ATP2B2: variants seen among roughly 807,000 people sequenced by gnomAD.
ATP2B2 encodes the protein ATPase plasma membrane Ca2+ transporting 2.
ATP2B2 carries 15 observed loss-of-function variants against 120.0 expected under a neutral mutation model. That is an observed-to-expected ratio of 0.12 (90% CI 0.08 to 0.19). The LOEUF (loss-of-function observed/expected upper bound fraction) is 0.19. Among genes scored for constraint, ATP2B2 ranks in the 10% least tolerant of loss-of-function variants. ATP2B2 has a pLI of 1.00. For missense variants in ATP2B2, 1,045 were observed against 1,719.8 expected (o/e 0.61, Z 6.94); for synonymous variants, 694 against 700.3 (o/e 0.99, Z 0.14).
chr3:10,556,981 A>G (rs1173884832), intron 2 of ATP2B2, among the ~76,000 whole-genome samples: 1 of 152,102 alleles, frequency 6.6e-6, no homozygotes, highest in African/African-American at 2.4e-5. Context: ...ACTAGGCTAT[A>G]TTTCAGTTCA....
intron 1 of ATP2B2, among the ~76,000 whole-genome samples, chr3:10,680,429 C>A (rs2071356028): frequency 6.6e-6 from 1 of 152,068 alleles, no homozygotes; most frequent in Non-Finnish European, 1.5e-5. Context: ...TCTTAAAATT[C>A]CCCTCATTCC....
intron 2 of ATP2B2, among the ~76,000 whole-genome samples, chr3:10,585,183 A>C (rs1023384880): frequency 6.6e-6 from 1 of 151,898 alleles, no homozygotes; most frequent in African/African-American, 2.4e-5. Context: ...AAACTTCTCC[A>C]ATGGTTTGCA....
chr3:10,449,412 GAC>G lies in ATP2B2; in HGVS notation c.130_131del (p.Val44GlnfsTer22), dbSNP rs2063953857. On this transcript the variant is annotated frameshift_variant, in exon 2 of 23. Coordinates refer to ENST00000360273, the MANE Select transcript of ATP2B2 (RefSeq NM_001001331.4). LOFTEE classifies it high-confidence loss of function. ...LMELRGTEAV[V>X]KIKETYGDTE... ...TGTCCCCATAAGTCTCCTTGATCTT[GAC>G]CACAGCCTCAGTGCCCCGCAGCTCC... 6.2e-7 allele frequency: 1 copy of G among 1,614,090 alleles called. No individual in the cohort carries two copies. The highest frequency in any genetic ancestry group is 1.3e-5 in the African/African-American group (1 of 74,934).
chr3:10,475,516 T>C (rs79882294), intron 1 of ATP2B2, among the ~76,000 whole-genome samples: 5,952 of 152,310 alleles, frequency 0.039, 388 homozygotes, highest in African/African-American at 0.14. Context: ...GTTAGGCAGA[T>C]CTGTGCTCTG....
intron 22 of ATP2B2, among the ~76,000 whole-genome samples, chr3:10,337,968 A>G (rs544949361): frequency 1.3e-5 from 2 of 152,168 alleles, no homozygotes; most frequent in South Asian, 2.1e-4. Context: ...AGAGGGCACA[A>G]TGGGACCTCT....
chr3:10,392,105 G>A (rs2061872153), intron 5 of ATP2B2, among the ~76,000 whole-genome samples: 1 of 152,002 alleles, frequency 6.6e-6, no homozygotes, highest in Non-Finnish European at 1.5e-5. Flanking sequence ...GTGCTTCCAG[G>A]CCTGGCTCCT....
intron 1 of ATP2B2, among the ~76,000 whole-genome samples, chr3:10,641,825 C>T (rs1217170301): frequency 6.6e-6 from 1 of 152,094 alleles, no homozygotes; most frequent in African/African-American, 2.4e-5. Context: ...GTCTGGTTGA[C>T]TCATCTACCC....
intron 13 of ATP2B2, among the ~76,000 whole-genome samples, chr3:10,359,512 A>G (rs1575007580): frequency 2.0e-5 from 3 of 152,294 alleles, no homozygotes; most frequent in East Asian, 3.9e-4. Flanking sequence ...TGTGGCTAAT[A>G]ATGAAAATAG....
intron 1 of ATP2B2, among the ~76,000 whole-genome samples, chr3:10,647,226 TG>T (rs2070344586): frequency 6.6e-6 from 1 of 151,804 alleles, no homozygotes; most frequent in Non-Finnish European, 1.5e-5. Flanking sequence ...GGCAGGGAAA[TG>T]GGCCCACTAG....
At chr3:10,526,504 G>A (rs563251943) in intron 3 of ATP2B2, among the ~76,000 whole-genome samples, 1 of 152,286 alleles carries the variant, frequency 6.6e-6, no homozygotes, top group South Asian at 2.1e-4. Context: ...GGGATTGGGA[G>A]GGCTTTTAGA....
chr3:10,530,975 C>T (rs532973648), intron 3 of ATP2B2, among the ~76,000 whole-genome samples: 8 of 152,272 alleles, frequency 5.3e-5, no homozygotes, highest in South Asian at 2.1e-4. Context: ...TTTCCATAAA[C>T]GTTTTCTGAC....
At chr3:10,649,505 C>G (rs1481051234) in intron 1 of ATP2B2, among the ~76,000 whole-genome samples, 6 of 152,178 alleles carry the variant, frequency 3.9e-5, no homozygotes, top group Admixed American at 1.3e-4. Flanking sequence ...CCAGCACAGG[C>G]CTTTTGCATA....
At chr3:10,617,697 C>T (rs2069432432) in intron 2 of ATP2B2, among the ~76,000 whole-genome samples, 1 of 152,242 alleles carries the variant, frequency 6.6e-6, no homozygotes, top group Admixed American at 6.5e-5. Flanking sequence ...GAGTGCTGGT[C>T]TTCACACAGG....
chr3:10,333,463 G>C (rs553042801), intron 22 of ATP2B2, among the ~76,000 whole-genome samples: 2 of 152,198 alleles, frequency 1.3e-5, no homozygotes, highest in African/African-American at 4.8e-5. Context: ...GACCTTGGCT[G>C]GTGTTTAGAG....
chr3:10,466,428 C>T (rs919082838), intron 1 of ATP2B2, among the ~76,000 whole-genome samples: 4 of 152,032 alleles, frequency 2.6e-5, no homozygotes, highest in African/African-American at 4.8e-5. Flanking sequence ...ATGTGCATTT[C>T]GGAAATAAGA....
In ATP2B2 at chr3:10,359,543, G is replaced by A. The variant is rs543871035; in HGVS notation, c.1901+339C>T. 4.5e-4 allele frequency among the ~76,000 whole-genome samples: 68 copies of A among 152,240 alleles called. 1 individual carries two copies. In the South Asian group the frequency reaches 0.013, roughly 29 times the overall value. ...AATAGCTACCATCAACCAACTCTAC[G>A]CTAAAGGAAATGAAATAAGAGAGAT... is the stretch of plus-strand genomic sequence containing the variant. On this transcript the variant is annotated intron_variant, in intron 13 of 22. Coordinates refer to ENST00000360273, the MANE Select transcript of ATP2B2 (RefSeq NM_001001331.4).
chr3:10,583,741 T>C (rs1355063765), intron 2 of ATP2B2, among the ~76,000 whole-genome samples: 1 of 152,188 alleles, frequency 6.6e-6, no homozygotes, highest in Non-Finnish European at 1.5e-5. Flanking sequence ...GAACAGGATG[T>C]CTCTGGTGGG....
At chr3:10,518,511 C>T (rs1268678845) in intron 3 of ATP2B2, among the ~76,000 whole-genome samples, 2 of 152,180 alleles carry the variant, frequency 1.3e-5, no homozygotes, top group Non-Finnish European at 2.9e-5. Context: ...TGCCAGCATG[C>T]CCCCAAGCTG....
chr3:10,495,534 G>T (rs2125383672), intron 1 of ATP2B2, among the ~76,000 whole-genome samples: 1 of 152,320 alleles, frequency 6.6e-6, no homozygotes, highest in African/African-American at 2.4e-5. Context: ...TCTTGGTTAT[G>T]ACAGGTTACC....
Sources: gnomAD v4.1 joint callset for allele counts (sites outside exome capture counted in the v4.1 genomes callset) on GRCh38, gnomAD v4.1.1 for gene constraint, MANE v1.5 for transcripts, NCBI Gene and HGNC (gene_info 2026-07-23, HGNC 2026-07-21) for gene names.